The following EFNA5 variants were observed in gnomAD, a reference collection of about 807,000 sequenced individuals.
EFNA5 encodes ephrin A5, also known as ephrin-A5.
In EFNA5, 5 loss-of-function variants were observed where a neutral mutation model predicts 22.9. The observed-to-expected ratio is 0.22, with a 90% CI of 0.11 to 0.46. The LOEUF is 0.46. EFNA5 is among the 20% of genes least tolerant of loss of function. The pLI is 0.99. For synonymous variants in EFNA5, 113 were observed against 112.2 expected, an observed-to-expected ratio of 1.01 and a Z score of -0.04; for missense variants, 237 against 293.3, an observed-to-expected ratio of 0.81 and a Z score of 1.40.
At chr5:107,613,320 A>T (rs1749858372) in intron 1 of EFNA5, among the ~76,000 whole-genome samples, 1 of 152,100 alleles carries the variant, frequency 6.6e-6, no homozygotes, top group African/African-American at 2.4e-5. Flanking sequence ...TGCTTTTTTC[A>T]TGCCTATGGG....
chr5:107,535,004 A>G (rs75536933), intron 1 of EFNA5, among the ~76,000 whole-genome samples: 1 of 152,326 alleles, frequency 6.6e-6, no homozygotes, highest in African/African-American at 2.4e-5. Context: ...TTTGGTGTGA[A>G]AAATATGATG....
chr5:107,583,810 T>G (rs1749120307), intron 1 of EFNA5, among the ~76,000 whole-genome samples: 1 of 152,210 alleles, frequency 6.6e-6, no homozygotes, highest in Non-Finnish European at 1.5e-5. Context: ...ATTTGATCAT[T>G]TCATGAGGCA....
intron 1 of EFNA5, among the ~76,000 whole-genome samples, chr5:107,473,607 A>T (rs965869925): frequency 5.3e-5 from 8 of 152,218 alleles, no homozygotes; most frequent in African/African-American, 1.9e-4. Flanking sequence ...CCAGCTCTAG[A>T]ACGTGTTATG....
chr5:107,524,043 T>C (rs1747647821), intron 1 of EFNA5, among the ~76,000 whole-genome samples: 1 of 152,246 alleles, frequency 6.6e-6, no homozygotes, highest in Admixed American at 6.5e-5. Context: ...TGTTTAGATC[T>C]TGATAATCAA....
At chr5:107,537,428 G>A (rs1255724503) in intron 1 of EFNA5, among the ~76,000 whole-genome samples, 4 of 151,488 alleles carry the variant, frequency 2.6e-5, no homozygotes, top group African/African-American at 7.3e-5. Flanking sequence ...GTGAAACCCT[G>A]TCTCTACTAA....
At chr5:107,475,735 C>G (rs1750267212) in intron 1 of EFNA5, among the ~76,000 whole-genome samples, 1 of 151,838 alleles carries the variant, frequency 6.6e-6, no homozygotes, top group Non-Finnish European at 1.5e-5. Context: ...TCTAGGGTAT[C>G]CACAATCTGA....
At chr5:107,510,728 A>G (rs966951484) in intron 1 of EFNA5, among the ~76,000 whole-genome samples, 1 of 152,198 alleles carries the variant, frequency 6.6e-6, no homozygotes, top group Non-Finnish European at 1.5e-5. Context: ...GAAGACCAGA[A>G]CAGCCCAATC....
chr5:107,536,402 C>A (rs2112456122), intron 1 of EFNA5, among the ~76,000 whole-genome samples: 1 of 152,328 alleles, frequency 6.6e-6, no homozygotes, highest in South Asian at 2.1e-4. Flanking sequence ...AAATTACTGA[C>A]ATAAAGAATT....
intron 1 of EFNA5, among the ~76,000 whole-genome samples, chr5:107,560,449 T>C (rs184604340): frequency 2.6e-5 from 4 of 152,356 alleles, no homozygotes; most frequent in African/African-American, 9.6e-5. Flanking sequence ...AATTTGGCTG[T>C]GTTAAAATCT....
At chr5:107,623,432 T>A (rs1750079670) in intron 1 of EFNA5, among the ~76,000 whole-genome samples, 1 of 152,194 alleles carries the variant, frequency 6.6e-6, no homozygotes, top group African/African-American at 2.4e-5. Context: ...TTTAAATAAA[T>A]CATGTGAAAT....
At chr5:107,512,968 T>C (rs1182697709) in intron 1 of EFNA5, among the ~76,000 whole-genome samples, 1 of 152,150 alleles carries the variant, frequency 6.6e-6, no homozygotes, top group African/African-American at 2.4e-5. Context: ...CTTTGATGAT[T>C]TGGACTGTAC....
intron 2 of EFNA5, among the ~76,000 whole-genome samples, chr5:107,412,646 A>G (rs777953783): frequency 2.6e-5 from 4 of 152,236 alleles, no homozygotes; most frequent in Non-Finnish European, 4.4e-5. Context: ...GCAATTTTCT[A>G]GTTAGCCCTT....
At chr5:107,468,069 A>G (rs998160839) in intron 1 of EFNA5, among the ~76,000 whole-genome samples, 4 of 152,186 alleles carry the variant, frequency 2.6e-5, no homozygotes, top group Non-Finnish European at 5.9e-5. Context: ...ATCTTGGTAG[A>G]ACGGATAGCA....
At chr5:107,400,885 T>C (rs1748063967) in intron 2 of EFNA5, among the ~76,000 whole-genome samples, 1 of 152,234 alleles carries the variant, frequency 6.6e-6, no homozygotes, top group Admixed American at 6.5e-5. Flanking sequence ...TTGCCTACTT[T>C]ATTACTGCTG....
In EFNA5 at chr5:107,670,389, C is replaced by G. The variant is rs1751166373; in HGVS notation, c.125+100G>C. 2.2e-6 allele frequency: 3 copies of G among 1,392,948 alleles called. No individual in the cohort carries two copies. The East Asian group carries it at 8.4e-5, about 39-fold the overall frequency. The allele number at this position is 1,392,948 out of a possible 1,614,324, so 86.3% of individuals were successfully genotyped here. ...CCGGGCGACGCAGGCTCCGAGGGTG[C>G]GCGCCGCCAGCGGTTGGTGCGCGCC... On this transcript the variant is annotated intron_variant, in intron 1 of 4. Coordinates refer to ENST00000333274, the MANE Select transcript of EFNA5 (RefSeq NM_001962.3).
At chr5:107,635,787 G>C (rs1396857974) in intron 1 of EFNA5, among the ~76,000 whole-genome samples, 1 of 152,170 alleles carries the variant, frequency 6.6e-6, no homozygotes, top group Non-Finnish European at 1.5e-5. Context: ...GCTCTGTGCA[G>C]ACACACTGAC....
At chr5:107,539,551 C>T (rs1300534804) in intron 1 of EFNA5, among the ~76,000 whole-genome samples, 1 of 152,128 alleles carries the variant, frequency 6.6e-6, no homozygotes, top group South Asian at 2.1e-4. Context: ...CTCTGCCTCC[C>T]GGGTTCTAGC....
chr5:107,626,680 A>G (rs1750148354), intron 1 of EFNA5, among the ~76,000 whole-genome samples: 1 of 152,210 alleles, frequency 6.6e-6, no homozygotes, highest in Admixed American at 6.5e-5. Context: ...TTAATAAAAC[A>G]TAACTCTGGC....
intron 1 of EFNA5, among the ~76,000 whole-genome samples, chr5:107,606,806 T>C (rs539222104): frequency 7.2e-5 from 11 of 152,304 alleles, no homozygotes; most frequent in Middle Eastern, 3.4e-3. Flanking sequence ...CACTCTGATA[T>C]CCTTTAAATA....
Sources: gnomAD v4.1 joint callset for allele counts (sites outside exome capture counted in the v4.1 genomes callset) on GRCh38, gnomAD v4.1.1 for gene constraint, MANE v1.5 for transcripts, NCBI Gene and HGNC (gene_info 2026-07-23, HGNC 2026-07-21) for gene names.